The following DMPK variants were observed in gnomAD, a reference collection of about 807,000 sequenced individuals.
DMPK encodes myotonin-protein kinase.
Under a neutral mutation model 70.3 loss-of-function variants are expected in DMPK, and 32 were observed. The observed-to-expected ratio is 0.46, with a 90% CI of 0.34 to 0.61. The LOEUF is 0.61. DMPK is among the 20% of genes least tolerant of loss of function. The probability of loss-of-function intolerance (pLI) is 0.01; values close to 1 mark genes in which losing one functional copy is unlikely to be tolerated. For missense variants in DMPK, 899 were observed against 886.0 expected, an observed-to-expected ratio of 1.01 and a Z score of -0.19; for synonymous variants, 469 against 390.9, an observed-to-expected ratio of 1.20 and a Z score of -2.36.
intron 9 of DMPK, among the ~76,000 whole-genome samples, chr19:45,773,649 G>C (rs532927349): frequency 6.6e-6 from 1 of 152,232 alleles, no homozygotes; most frequent in Non-Finnish European, 1.5e-5. Flanking sequence ...TGCATTATTT[G>C]TGTAATTAAT....
intron 1 of DMPK, 181 bp from the exon 2 acceptor site, chr19:45,780,050 G>A (rs1430091842): frequency 6.5e-7 from 1 of 1,537,654 alleles, no homozygotes; most frequent in East Asian, 2.5e-5. Context: ...GGCCAAAAAT[G>A]CCCTCCCATA....
intron 4 of DMPK, 63 bp downstream of exon 4, chr19:45,779,201 T>C (rs1312143595): frequency 2.6e-6 from 4 of 1,537,858 alleles, no homozygotes; most frequent in Non-Finnish European, 3.6e-6. Flanking sequence ...TCTCCCCACC[T>C]CCTCGTCCAG....
Position 45,782,188 on chromosome 19 carries a change from C to A in DMPK, c.160+5G>T. 1 of 1,533,696 alleles carries A rather than the reference C, an allele frequency of 6.5e-7. No individual in the cohort carries two copies. Among genetic ancestry groups the A allele is most frequent in the Non-Finnish European group, 8.8e-7 (1 of 1,136,748 alleles). ...TCTGCAGGAGCCCCGAGGGTAGGCA[C>A]TCACCCCACTGCAAGAAGTCGGCCA... On this transcript the variant is annotated splice_donor_5th_base_variant and intron_variant, in intron 1 of 14. Coordinates refer to ENST00000291270, the MANE Select transcript of DMPK (RefSeq NM_004409.5).
intron 10 of DMPK, 132 bp downstream of exon 10, chr19:45,772,509 G>T: frequency 3.5e-6 from 2 of 566,522 alleles, no homozygotes; most frequent in Non-Finnish European, 3.1e-6. Flanking sequence ...AAGTAACCTC[G>T]TCTCTCCGTG....
Position 45,770,305 on chromosome 19 carries a change from C to T in DMPK, c.*183G>A. Reference sequence around the variant, plus strand: ...GGACCCTTCGAGCCCCGTTCGCCGGCCGCGGACCCGGCCCCTCCCTCCCCG... The same window carrying T: ...GGACCCTTCGAGCCCCGTTCGCCGGTCGCGGACCCGGCCCCTCCCTCCCCG... On this transcript the variant is annotated 3_prime_UTR_variant, in exon 15 of 15. Coordinates refer to ENST00000291270, the MANE Select transcript of DMPK (RefSeq NM_004409.5). 1.2e-6 allele frequency: 1 copy of T among 843,486 alleles called. No homozygotes were observed. Among genetic ancestry groups the T allele is most frequent in the Non-Finnish European group, 1.9e-6 (1 of 538,546 alleles). 52.3% of individuals were successfully genotyped at this position (843,486 alleles called of 1,614,324 possible).
chr19:45,774,481 C>A (rs1462439400), intron 9 of DMPK, among the ~76,000 whole-genome samples: 1 of 151,974 alleles, frequency 6.6e-6, no homozygotes, highest in Non-Finnish European at 1.5e-5. Flanking sequence ...CCAGGATGGT[C>A]TCGATCTCCT....
In DMPK at chr19:45,782,260, G is replaced by T; in HGVS notation, c.93C>A (p.Gly31=). ...CGGAGGCGCCCAGCTCCTGGTGGAC[G>T]CCCAGGAGAAGGTCGAGCAGGGGCT... ...GLEPLLDLLL[G]VHQELGASEL... Residue 31 remains glycine (G), a synonymous_variant, in exon 1 of 15, where the codon GGC becomes GGA. Coordinates refer to ENST00000291270, the MANE Select transcript of DMPK (RefSeq NM_004409.5). 1 of 1,609,002 alleles carries T rather than the reference G, an allele frequency of 6.2e-7. No individual in the cohort carries two copies. The highest frequency in any genetic ancestry group is 1.1e-5 in the South Asian group (1 of 90,302).
intron 1 of DMPK, chr19:45,780,743 G>T (rs571114682): frequency 1.6e-5 from 7 of 449,820 alleles, no homozygotes; most frequent in Non-Finnish European, 2.1e-5. Flanking sequence ...GTTCCGGGGG[G>T]TTCCGGGAGA....
At position 45,779,341 on chromosome 19, in the gene DMPK, C is replaced by T; in HGVS notation, c.355G>A (p.Glu119Lys). Residue 119 changes from glutamate to lysine, a missense_variant, in exon 4 of 15, where the codon GAG (glutamate) becomes AAG (lysine). Around this residue, in one of 3 missense-constraint regions of DMPK, gnomAD observed 195 missense variants for 259.7 expected, o/e 0.75. Coordinates refer to ENST00000291270, the MANE Select transcript of DMPK (RefSeq NM_004409.5). ...TCCCCATTCACCAACACGTCCCTCT[C>T]CTCACGGAAGCACGACACCTGCAGG... The part of the protein sequence containing the change: ...KRGEVSCFRE[E>K]RDVLVNGDRR... 1.2e-6 allele frequency: 2 copies of T among 1,614,136 alleles called. No individual in the cohort carries two copies. The highest frequency in any genetic ancestry group is 2.2e-5 in the South Asian group (2 of 91,088).
At chr19:45,780,251 C>A in intron 1 of DMPK, 1 of 1,495,588 alleles carries the variant, frequency 6.7e-7, no homozygotes, top group Non-Finnish European at 8.9e-7. Flanking sequence ...CAGGTGCAGC[C>A]AGGGCCCCAC....
chr19:45,777,971 C>T lies in DMPK; in HGVS notation c.676-98G>A, dbSNP rs555203925. On this transcript the variant is annotated intron_variant, in intron 6 of 14. Transcript: ENST00000291270. This position sits in a 1 kb window ranked among gnomAD's most constrained non-coding sequence, Gnocchi z 6.7. ...CCACTCCCCAAATGCTTAGCCCCTC[C>T]CTCTGCCTGGTCTAATACTCCGCCA... The T allele has an allele frequency of 1.5e-6, 2 of 1,308,622 alleles. No homozygotes were observed. Among genetic ancestry groups the T allele is most frequent in the Non-Finnish European group, 2.1e-6 (2 of 941,516 alleles). 81.1% of individuals were successfully genotyped at this position (1,308,622 alleles called of 1,614,324 possible).
Position 45,778,164 on chromosome 19 carries a change from T to G in DMPK, c.638A>C (p.Asp213Ala). 1 of 1,613,654 alleles carries G rather than the reference T, an allele frequency of 6.2e-7. No individual in the cohort carries two copies. Among genetic ancestry groups the G allele is most frequent in the Non-Finnish European group, 8.5e-7 (1 of 1,179,874 alleles). ...LDRCGHIRLA[D>A]FGSCLKLRAD... ...CCGCAGCTTGAGGCAAGAGCCGAAG[T>G]CGGCCAGGCGGATGTGGCCACAGCG... is the stretch of plus-strand genomic sequence containing the variant. Residue 213 changes from aspartate to alanine, a missense_variant, in exon 6 of 15, where the codon GAC (aspartate) becomes GCC (alanine). Physicochemically the swap from Asp to Ala is moderately radical, Grantham distance 126. This residue lies in a region of DMPK where 195 missense variants were observed against 259.7 expected (regional missense o/e 0.75). Coordinates refer to ENST00000291270, the MANE Select transcript of DMPK (RefSeq NM_004409.5).
rs1457879930 is a variant in DMPK at position 45,771,901 on chromosome 19, G to A, written c.1372C>T (p.Pro458Ser). Reference protein sequence around the residue: ...TAEVAVPAAVPAAEAEAEVTL... With the variant: ...TAEVAVPAAVSAAEAEAEVTL... ...ACCTCGGCCTCAGCCTCTGCCGCAG[G>A]GACAGCCGCTGGAACTGCCACTTCA... The change falls in exon 11 of 15, where the codon CCT (proline) becomes TCT (serine). Residue 458 changes from proline to serine, a missense_variant. By Grantham distance (74) the Pro-to-Ser change is moderately conservative (BLOSUM62 -1). Coordinates refer to ENST00000291270, the MANE Select transcript of DMPK (RefSeq NM_004409.5). 2 of 1,596,696 alleles carry A rather than the reference G, an allele frequency of 1.3e-6. No individual in the cohort carries two copies. The highest frequency in any genetic ancestry group is 2.7e-5 in the African/African-American group (2 of 74,654).
chr19:45,770,994 G>A lies in DMPK; in HGVS notation c.1714C>T (p.Arg572Cys), dbSNP rs1326649032. 4.2e-6 allele frequency: 6 copies of A among 1,438,136 alleles called. No homozygotes were observed. Among genetic ancestry groups the A allele is most frequent in the Non-Finnish European group, 5.5e-6 (6 of 1,099,640 alleles). The allele number at this position is 1,438,136 out of a possible 1,614,324, so 89.1% of individuals were successfully genotyped here. Residue 572 changes from arginine to cysteine, a missense_variant, in exon 14 of 15, where the codon CGC (arginine) becomes TGC (cysteine). Coordinates refer to ENST00000291270, the MANE Select transcript of DMPK (RefSeq NM_004409.5). The stretch of plus-strand genomic sequence containing the variant: ...ACCCTGGCAGGGAGCAGCAGGTGGC[G>A]GCGGTGCATGGGGCCTGGCCCCACC... ...PLVGPGPMHRRHLLLPARVPR... is the reference protein window; with the variant it reads ...PLVGPGPMHRCHLLLPARVPR...
At chr19:45,780,159 G>A (rs2146259834) in intron 1 of DMPK, 1 of 1,435,982 alleles carries the variant, frequency 7.0e-7, no homozygotes, top group South Asian at 1.5e-5. Context: ...GGAGTCTGCA[G>A]AAGGACAGAC....
Position 45,782,180 on chromosome 19 carries a change from G to A in DMPK, c.160+13C>T. 1.4e-6 allele frequency: 2 copies of A among 1,455,502 alleles called. No individual in the cohort carries two copies. The highest frequency in any genetic ancestry group is 1.8e-6 in the Non-Finnish European group (2 of 1,088,120). 90.2% of individuals were successfully genotyped at this position (1,455,502 alleles called of 1,614,324 possible). On this transcript the variant is annotated intron_variant, in intron 1 of 14. Coordinates refer to ENST00000291270, the MANE Select transcript of DMPK (RefSeq NM_004409.5). ...CCACCCCATCTGCAGGAGCCCCGAG[G>A]GTAGGCACTCACCCCACTGCAAGAA...
chr19:45,771,224 C>T (rs565142437), intron 13 of DMPK, 126 bp downstream of exon 13: 3 of 1,341,738 alleles, frequency 2.2e-6, no homozygotes, highest in Non-Finnish European at 3.1e-6. Flanking sequence ...GAATAAAGGG[C>T]TTCTGCCCTC....
Position 45,772,756 on chromosome 19 carries a change from G to C in DMPK, c.1233-4C>G, listed in dbSNP as rs772267314. 4.8e-6 allele frequency: 7 copies of C among 1,464,216 alleles called. No individual in the cohort carries two copies. The African/African-American group carries it at 1.0e-4, about 22-fold the overall frequency. 90.7% of individuals were successfully genotyped at this position (1,464,216 alleles called of 1,614,324 possible). On this transcript the variant is annotated splice_polypyrimidine_tract_variant and splice_region_variant and intron_variant, in intron 9 of 14. Coordinates refer to ENST00000291270, the MANE Select transcript of DMPK (RefSeq NM_004409.5). ...GGGGCCTGGGACCTCACTGTCCCTGGGGAGAGGAGGAGGGAGTGGGGAGGG... is the reference window on the plus strand; with the variant it reads ...GGGGCCTGGGACCTCACTGTCCCTGCGGAGAGGAGGAGGGAGTGGGGAGGG...
At chr19:45,779,170 AC>A (rs1969961567) in intron 4 of DMPK, 93 bp downstream of exon 4, 10 of 1,311,148 alleles carry the variant, frequency 7.6e-6, no homozygotes, top group African/African-American at 2.9e-5. Context: ...TCCGGGCAGC[AC>A]CCCCAATCCT....
Sources: gnomAD v4.1 joint callset for allele counts (sites outside exome capture counted in the v4.1 genomes callset) on GRCh38, gnomAD v4.1.1 for gene constraint, gnomAD v4.1.1 regional missense constraint, Gnocchi (gnomAD v3.1) non-coding constraint, MANE v1.5 for transcripts, NCBI Gene and HGNC (gene_info 2026-07-23, HGNC 2026-07-21) for gene names.